MRTFA: variants seen among roughly 807,000 people sequenced by gnomAD.
MRTFA encodes myocardin related transcription factor A.
A neutral mutation model predicts 83.5 loss-of-function variants in MRTFA; 20 were observed. The observed-to-expected ratio is 0.24, with a 90% CI of 0.17 to 0.35. MRTFA has a LOEUF of 0.35. MRTFA is among the 10% of genes least tolerant of loss of function. MRTFA has a pLI of 1.00. For missense variants in MRTFA, 1,200 were observed against 1,224.7 expected (o/e 0.98, Z 0.30); for synonymous variants, 659 against 541.2 (o/e 1.22, Z -3.02).
intron 4 of MRTFA, among the ~76,000 whole-genome samples, chr22:40,445,078 T>A (rs2147117822): frequency 6.6e-6 from 1 of 152,118 alleles, no homozygotes; most frequent in Admixed American, 6.6e-5. Flanking sequence ...AATAAATAAA[T>A]AAAAATTATC....
At chr22:40,574,440 A>ATTAT (rs764460675) in intron 2 of MRTFA, among the ~76,000 whole-genome samples, 13 of 147,730 alleles carry the variant, frequency 8.8e-5, no homozygotes, top group African/African-American at 2.0e-4. Context: ...TATTATTATT[A>ATTAT]TTTTTTTTTT....
chr22:40,467,817 T>C (rs554786920), intron 3 of MRTFA, among the ~76,000 whole-genome samples: 1 of 152,344 alleles, frequency 6.6e-6, no homozygotes, highest in African/African-American at 2.4e-5. Context: ...TATACAAGCA[T>C]AAGTCTTTAA....
intron 2 of MRTFA, among the ~76,000 whole-genome samples, chr22:40,578,904 G>C (rs1451696186): frequency 1.3e-5 from 2 of 152,080 alleles, no homozygotes; most frequent in Non-Finnish European, 2.9e-5. Context: ...GTCTGGGTGA[G>C]AGTGAGACCC....
intron 2 of MRTFA, among the ~76,000 whole-genome samples, chr22:40,568,663 C>T (rs1345215594): frequency 6.6e-6 from 1 of 152,192 alleles, no homozygotes; most frequent in African/African-American, 2.4e-5. Flanking sequence ...TACAGGCAAA[C>T]ACATCCATTT....
At position 40,419,456 on chromosome 22, in the gene MRTFA, AG is replaced by A. The variant is rs2052778149; in HGVS notation, c.1354-73del. 2.2e-5 allele frequency: 31 copies of A among 1,432,224 alleles called. No individual in the cohort carries two copies. The South Asian group carries it at 3.5e-4, about 16-fold the overall frequency. The allele number at this position is 1,432,224 out of a possible 1,614,324, so 88.7% of individuals were successfully genotyped here. A position where few individuals can be genotyped will look rare whatever the true frequency, so the allele number is the denominator to read the frequency against. On this transcript the variant is annotated intron_variant, in intron 11 of 14. Transcript: ENST00000355630. The stretch of plus-strand genomic sequence containing the variant: ...GGGCACTGGGTCCAGGCAGAAGGGC[AG>A]TCTGGGCCCCATGGGCCACTGCAGA...
chr22:40,609,386 C>T (rs1002220163), intron 1 of MRTFA, among the ~76,000 whole-genome samples: 2 of 142,278 alleles, frequency 1.4e-5, no homozygotes, highest in Non-Finnish European at 3.0e-5. Flanking sequence ...GAAGCTCAGG[C>T]GGGAGGATCA....
chr22:40,599,728 A>G (rs1025317986), intron 1 of MRTFA, among the ~76,000 whole-genome samples: 2 of 151,952 alleles, frequency 1.3e-5, no homozygotes, highest in Non-Finnish European at 2.9e-5. Flanking sequence ...GCAAAACCCC[A>G]TCGCTACAAA....
intron 3 of MRTFA, among the ~76,000 whole-genome samples, chr22:40,520,839 C>T (rs1172957855): frequency 6.6e-6 from 1 of 151,934 alleles, no homozygotes; most frequent in South Asian, 2.1e-4. Context: ...CACTTTTTAG[C>T]TATTTTGAAA....
intron 3 of MRTFA, among the ~76,000 whole-genome samples, chr22:40,498,491 C>T (rs565684752): frequency 2.0e-5 from 3 of 151,044 alleles, no homozygotes; most frequent in South Asian, 2.1e-4. Flanking sequence ...CACCATGTTG[C>T]GCAGGTTGGT....
intron 2 of MRTFA, among the ~76,000 whole-genome samples, chr22:40,594,225 T>C (rs1602474283): frequency 6.6e-6 from 1 of 152,164 alleles, no homozygotes; most frequent in African/African-American, 2.4e-5. Flanking sequence ...TCTAGTCAGG[T>C]CCTTTGTTGC....
intron 3 of MRTFA, among the ~76,000 whole-genome samples, chr22:40,479,841 T>C (rs1252492179): frequency 6.6e-6 from 1 of 152,152 alleles, no homozygotes. Flanking sequence ...TACCAAAATA[T>C]AATAGATATC....
At chr22:40,491,527 T>C (rs2054271681) in intron 3 of MRTFA, among the ~76,000 whole-genome samples, 1 of 152,224 alleles carries the variant, frequency 6.6e-6, no homozygotes, top group Non-Finnish European at 1.5e-5. Context: ...CTTAAAGGGT[T>C]ATCTATCTAC....
At chr22:40,482,004 G>A (rs1012719668) in intron 3 of MRTFA, among the ~76,000 whole-genome samples, 1 of 150,778 alleles carries the variant, frequency 6.6e-6, no homozygotes, top group Non-Finnish European at 1.5e-5. Context: ...AGCGTGCAGT[G>A]AGCCGAGATC....
At chr22:40,614,731 C>T (rs1279957305) in intron 1 of MRTFA, among the ~76,000 whole-genome samples, 1 of 152,194 alleles carries the variant, frequency 6.6e-6, no homozygotes, top group Non-Finnish European at 1.5e-5. Context: ...AGGTGATCTG[C>T]CTGCCTCGGC....
intron 1 of MRTFA, among the ~76,000 whole-genome samples, chr22:40,597,168 C>T (rs1173927159): frequency 2.0e-5 from 3 of 152,158 alleles, no homozygotes; most frequent in Non-Finnish European, 4.4e-5. Context: ...CTAGCAGTGC[C>T]TGGCAAGTAA....
chr22:40,549,117 T>G (rs1218707282), intron 3 of MRTFA, among the ~76,000 whole-genome samples: 3 of 152,044 alleles, frequency 2.0e-5, no homozygotes, highest in Admixed American at 6.6e-5. Flanking sequence ...CAGGCTGGAG[T>G]GTAGTGGTGC....
intron 1 of MRTFA, among the ~76,000 whole-genome samples, chr22:40,607,366 T>C (rs2056330113): frequency 6.6e-6 from 1 of 152,106 alleles, no homozygotes. Flanking sequence ...TAGCAGGGCA[T>C]GCTGGTGGGC....
intron 4 of MRTFA, among the ~76,000 whole-genome samples, chr22:40,456,476 C>T (rs1403354702): frequency 6.6e-6 from 1 of 152,024 alleles, no homozygotes; most frequent in African/African-American, 2.4e-5. Flanking sequence ...TCATTTTGAG[C>T]CCAGAGTTTG....
intron 7 of MRTFA, among the ~76,000 whole-genome samples, chr22:40,427,289 A>G (rs2052975184): frequency 6.6e-6 from 1 of 152,140 alleles, no homozygotes; most frequent in Non-Finnish European, 1.5e-5. Context: ...TATAAGAGCT[A>G]CTGTATCAAC....
Sources: gnomAD v4.1 joint callset for allele counts (sites outside exome capture counted in the v4.1 genomes callset) on GRCh38, gnomAD v4.1.1 for gene constraint, MANE v1.5 for transcripts, NCBI Gene and HGNC (gene_info 2026-07-23, HGNC 2026-07-21) for gene names.